Variants in C3orf33 observed in about 807,000 individuals in gnomAD.
C3orf33 encodes mitochondrial inner membrane subdomain organizer 1.
A neutral mutation model predicts 28.7 loss-of-function variants in C3orf33; 23 were observed. The ratio of observed to expected loss-of-function variants is 0.80; its 90% CI spans 0.58 to 1.13. The LOEUF (loss-of-function observed/expected upper bound fraction) is 1.13, where lower values mean the gene tolerates loss of function less well. Ranked by LOEUF, C3orf33 falls within the 50% of genes most tolerant of loss-of-function variation. C3orf33 has a pLI of 0.00. For synonymous variants in C3orf33, 119 were observed against 120.5 expected, an observed-to-expected ratio of 0.99 and a Z score of 0.08; for missense variants, 327 against 353.4, an observed-to-expected ratio of 0.93 and a Z score of 0.60.
chr3:155,792,886 C>T (rs552354502), intron 2 of C3orf33, among the ~76,000 whole-genome samples: 1 of 152,022 alleles, frequency 6.6e-6, no homozygotes, highest in South Asian at 2.1e-4. Context: ...GAAAAAGAGG[C>T]AGAGAGATAG....
rs144566061 is a variant in C3orf33, at chr3:155,763,197, C to T, written c.*320G>A. The T allele has an allele frequency of 7.3e-4, 129 of 175,924 alleles. No homozygotes were observed. Among genetic ancestry groups the T allele is most frequent in the African/African-American group, 3.0e-3 (126 of 42,510 alleles). 10.9% of individuals were successfully genotyped at this position (175,924 alleles called of 1,614,324 possible). A position where few individuals can be genotyped will look rare whatever the true frequency, so the allele number is the denominator to read the frequency against. On this transcript the variant is annotated 3_prime_UTR_variant, in exon 5 of 5. Transcript: ENST00000340171. ...CAAACAAAAAATTCAATATGGCAGCCCAAAATAACTAAAAACAACATAGTG... is the reference window on the plus strand; with the variant it reads ...CAAACAAAAAATTCAATATGGCAGCTCAAAATAACTAAAAACAACATAGTG...
intron 2 of C3orf33, among the ~76,000 whole-genome samples, chr3:155,777,361 A>G (rs763329045): frequency 6.6e-6 from 1 of 152,126 alleles, no homozygotes; most frequent in Non-Finnish European, 1.5e-5. Context: ...AGATCTGAAT[A>G]CAGACTGGGT....
rs894409688 is a variant in C3orf33 at position 155,762,942 on chromosome 3, C to T, written c.*575G>A. ...CTTTAGGATGCCAAGGTGGGTAGAT[C>T]ATCTGAAGTCAAGAGTTTGAGACCA... On this transcript the variant is annotated 3_prime_UTR_variant, in exon 5 of 5. Transcript: ENST00000340171. 6.6e-6 allele frequency: 1 copy of T among 151,936 alleles called. No homozygotes were observed. Among genetic ancestry groups the T allele is most frequent in the African/African-American group, 2.4e-5 (1 of 41,352 alleles). The allele number at this position is 151,936 out of a possible 1,614,324, so 9.4% of individuals were successfully genotyped here.
At chr3:155,781,952 T>G (rs1369848361) in intron 2 of C3orf33, among the ~76,000 whole-genome samples, 1 of 151,450 alleles carries the variant, frequency 6.6e-6, no homozygotes, top group East Asian at 1.9e-4. Context: ...GGCATGTGCT[T>G]GTAGTCCCAG....
intron 2 of C3orf33, among the ~76,000 whole-genome samples, chr3:155,801,599 G>C (rs1364216175): frequency 6.6e-6 from 1 of 151,840 alleles, no homozygotes; most frequent in Non-Finnish European, 1.5e-5. Flanking sequence ...GTAATACCAG[G>C]CTAAGTGAAA....
At chr3:155,774,525 T>C (rs1750681089) in intron 3 of C3orf33, among the ~76,000 whole-genome samples, 1 of 151,912 alleles carries the variant, frequency 6.6e-6, no homozygotes, top group Non-Finnish European at 1.5e-5. Flanking sequence ...CAAGGAGAAA[T>C]GGGAATTGCA....
rs564190185 is a variant in C3orf33, at chr3:155,806,238, G to C, written c.15C>G (p.Pro5=). 2 of 1,463,238 alleles carry C rather than the reference G, an allele frequency of 1.4e-6. No homozygotes were observed. The highest frequency in any genetic ancestry group is 1.8e-6 in the Non-Finnish European group (2 of 1,106,350). 90.6% of individuals were successfully genotyped at this position (1,463,238 alleles called of 1,614,324 possible). Residue 5 remains proline, a synonymous_variant, in exon 1 of 5, where the codon CCC becomes CCG. Transcript: ENST00000340171. MAGQ[P]AATGSPSADK... ...CGGCAGACGGCGAGCCGGTGGCCGC[G>C]GGCTGCCCCGCCATGTTCCCGGCCT...
chr3:155,794,496 G>GA (rs951771458), intron 2 of C3orf33, among the ~76,000 whole-genome samples: 4 of 148,898 alleles, frequency 2.7e-5, no homozygotes, highest in Admixed American at 1.3e-4. Context: ...AAAACTAACA[G>GA]AAAAAAAAAA....
chr3:155,767,248 C>T (rs1207604046), intron 4 of C3orf33, among the ~76,000 whole-genome samples: 1 of 151,896 alleles, frequency 6.6e-6, no homozygotes, highest in Non-Finnish European at 1.5e-5. Context: ...GAGACTCCAT[C>T]TAAAAAATAA....
chr3:155,783,467 AT>A lies in C3orf33; in HGVS notation c.175-7620del, dbSNP rs57517417. On this transcript the variant is annotated intron_variant, in intron 2 of 4. Coordinates refer to ENST00000340171, the MANE Select transcript of C3orf33 (RefSeq NM_001308229.2). ...ACCGCACCCAGCAAACCTGTACTACATTTTTTTTTTTTTTTTGGAGATGGAG... is the reference window on the plus strand; with the variant it reads ...ACCGCACCCAGCAAACCTGTACTACATTTTTTTTTTTTTTTGGAGATGGAG... 3.3e-3 allele frequency among the ~76,000 whole-genome samples: 447 copies of A among 134,128 alleles called. 1 individual carries two copies. Among genetic ancestry groups the A allele is most frequent in the African/African-American group, 8.6e-3 (311 of 36,222 alleles). The allele number at this position is 134,128 out of a possible 152,430, so 88.0% of individuals were successfully genotyped here.
intron 2 of C3orf33, among the ~76,000 whole-genome samples, chr3:155,792,801 A>T (rs1751355145): frequency 1.3e-5 from 2 of 152,152 alleles, no homozygotes; most frequent in African/African-American, 4.8e-5. Context: ...GGAGAAAAAA[A>T]TAAAAAAGAA....
At chr3:155,790,103 G>T (rs1751264658) in intron 2 of C3orf33, among the ~76,000 whole-genome samples, 1 of 136,306 alleles carries the variant, frequency 7.3e-6, no homozygotes, top group African/African-American at 2.7e-5. Context: ...GGCAGAAGTT[G>T]CAGTGAGCCG....
At chr3:155,797,840 G>A (rs1411861153) in intron 2 of C3orf33, among the ~76,000 whole-genome samples, 1 of 152,302 alleles carries the variant, frequency 6.6e-6, no homozygotes, top group East Asian at 1.9e-4. Flanking sequence ...GGAGGCCGAG[G>A]TGGGCAGATC....
Position 155,806,135 on chromosome 3 carries a change from G to T in C3orf33, c.114+4C>A. 1 of 1,451,478 alleles carries T rather than the reference G, an allele frequency of 6.9e-7. No individual in the cohort carries two copies. The highest frequency in any genetic ancestry group is 1.3e-5 in the South Asian group (1 of 74,874). 89.9% of individuals were successfully genotyped at this position (1,451,478 alleles called of 1,614,324 possible). On this transcript the variant is annotated splice_donor_region_variant and intron_variant, in intron 1 of 4. Transcript: ENST00000340171. ...CACCCGCCCAGACTGCGTGGCCCCA[G>T]TACCCGGACTAGGCGCAGGTGGTCG...
At chr3:155,776,736 AC>A (rs1750758990) in intron 2 of C3orf33, among the ~76,000 whole-genome samples, 2 of 143,690 alleles carry the variant, frequency 1.4e-5, no homozygotes, top group South Asian at 2.2e-4. Flanking sequence ...AGCCTGGGTG[AC>A]AGAGCGAGAA....
intron 3 of C3orf33, among the ~76,000 whole-genome samples, chr3:155,769,083 C>T (rs1436049472): frequency 2.6e-5 from 4 of 152,046 alleles, no homozygotes; most frequent in African/African-American, 9.7e-5. Context: ...GAGGCTGAGG[C>T]AGGTGGATCA....
At chr3:155,788,749 C>A (rs1751221987) in intron 2 of C3orf33, among the ~76,000 whole-genome samples, 1 of 151,864 alleles carries the variant, frequency 6.6e-6, no homozygotes, top group African/African-American at 2.4e-5. Flanking sequence ...AAAGCTTTTC[C>A]TCTAAGATCA....
chr3:155,787,191 C>G (rs1019738264), intron 2 of C3orf33, among the ~76,000 whole-genome samples: 3 of 152,046 alleles, frequency 2.0e-5, no homozygotes. Context: ...CATAGAAAAC[C>G]AGATTCAGCC....
At chr3:155,784,161 C>T (rs534786636) in intron 2 of C3orf33, among the ~76,000 whole-genome samples, 3 of 151,558 alleles carry the variant, frequency 2.0e-5, no homozygotes, top group Non-Finnish European at 4.4e-5. Flanking sequence ...AACTCCCAAC[C>T]TCAGGTGATC....
Sources: gnomAD v4.1 joint callset for allele counts (sites outside exome capture counted in the v4.1 genomes callset) on GRCh38, gnomAD v4.1.1 for gene constraint, MANE v1.5 for transcripts, NCBI Gene and HGNC (gene_info 2026-07-23, HGNC 2026-07-21) for gene names.